The following RABGEF1 variants were observed in gnomAD, a reference collection of about 807,000 sequenced individuals.
RABGEF1 encodes RAB guanine nucleotide exchange factor 1.
Under a neutral mutation model 57.3 loss-of-function variants are expected in RABGEF1, and 26 were observed. The ratio of observed to expected loss-of-function variants is 0.45; its 90% CI spans 0.33 to 0.63. The LOEUF (loss-of-function observed/expected upper bound fraction) is 0.63. Ranked by LOEUF, RABGEF1 falls within the 20% of genes least tolerant of loss-of-function variation. The pLI is 0.02. For missense variants in RABGEF1, 464 were observed against 607.6 expected (o/e 0.76, Z 2.48); for synonymous variants, 185 against 210.7 (o/e 0.88, Z 1.06).
At chr7:66,688,253 C>A (rs1352812732) in intron 1 of RABGEF1, among the ~76,000 whole-genome samples, 1 of 152,102 alleles carries the variant, frequency 6.6e-6, no homozygotes, top group Non-Finnish European at 1.5e-5. Flanking sequence ...ATGCACCTAA[C>A]AACAGAGCAC....
At chr7:66,758,923 T>C (rs1459320646) in intron 1 of RABGEF1, among the ~76,000 whole-genome samples, 2 of 152,198 alleles carry the variant, frequency 1.3e-5, no homozygotes, top group African/African-American at 4.8e-5. Flanking sequence ...TGACTTCAAA[T>C]CCATAGGAAG....
chr7:66,754,256 C>T (rs1802180132), intron 1 of RABGEF1, among the ~76,000 whole-genome samples: 1 of 152,098 alleles, frequency 6.6e-6, no homozygotes, highest in Non-Finnish European at 1.5e-5. Flanking sequence ...CCCACCTTGG[C>T]CTCCCAAAGT....
At chr7:66,730,563 T>C (rs561627116) in intron 2 of RABGEF1, among the ~76,000 whole-genome samples, 79 of 150,312 alleles carry the variant, frequency 5.3e-4, no homozygotes, top group African/African-American at 1.8e-3. Flanking sequence ...TTTTCTTTTT[T>C]TTTTTTTTTT....
intron 3 of RABGEF1, among the ~76,000 whole-genome samples, chr7:66,775,683 G>A (rs757363571): frequency 6.6e-6 from 1 of 152,208 alleles, no homozygotes; most frequent in Non-Finnish European, 1.5e-5. Flanking sequence ...CTCTTTGGAT[G>A]TTTTGGTTTT....
At chr7:66,667,009 A>C in the RABGEF1 span, among the ~76,000 whole-genome samples, 116,758 of 152,152 alleles carry the variant, frequency 0.77, 44,988 homozygotes, top group African/African-American at 0.84. Flanking sequence ...GTGGGAAATC[A>C]TATGTCCACT....
intron 7 of RABGEF1, among the ~76,000 whole-genome samples, chr7:66,802,358 G>A (rs1787484947): frequency 6.6e-6 from 1 of 152,184 alleles, no homozygotes; most frequent in Non-Finnish European, 1.5e-5. Flanking sequence ...GCCATGACCT[G>A]GAGGTACAGC....
chr7:66,791,445 C>CT (rs1249078699), intron 4 of RABGEF1, among the ~76,000 whole-genome samples: 2 of 152,170 alleles, frequency 1.3e-5, no homozygotes, highest in African/African-American at 4.8e-5. Flanking sequence ...TCATATGGTT[C>CT]TTTTCCTTTA....
intron 2 of RABGEF1, among the ~76,000 whole-genome samples, chr7:66,732,926 C>T (rs754001281): frequency 6.6e-6 from 1 of 152,208 alleles, no homozygotes; most frequent in Non-Finnish European, 1.5e-5. Context: ...CCCTGCTTCT[C>T]TAAACTTCTC....
Position 66,742,556 on chromosome 7 carries a change from G to C in RABGEF1, c.-18+1764G>C, listed in dbSNP as rs180941879. Among the ~76,000 whole-genome samples the C allele has an allele frequency of 4.2e-3, 642 of 152,276 alleles. 3 individuals are homozygous for C. Among genetic ancestry groups the C allele is most frequent in the African/African-American group, 0.014 (577 of 41,540 alleles). On this transcript the variant is annotated intron_variant, in intron 1 of 8. Transcript: ENST00000284957. ...CATTCAGACTAACAGGGTGGAGTGA[G>C]GGAGAGGGGGGAATCAAAGGAGAGG...
At chr7:66,657,152 G>A in the RABGEF1 span, among the ~76,000 whole-genome samples, 1 of 152,124 alleles carries the variant, frequency 6.6e-6, no homozygotes, top group Non-Finnish European at 1.5e-5. Context: ...TAGATCTAAT[G>A]GTCATATGCA....
At chr7:66,665,134 C>A in the RABGEF1 span, 3 of 152,090 alleles carry the variant, frequency 2.0e-5, no homozygotes, top group African/African-American at 7.2e-5. Flanking sequence ...TGGGCAAGTC[C>A]TTGTTCTCAG....
chr7:66,732,033 C>G (rs1191869743), intron 2 of RABGEF1, among the ~76,000 whole-genome samples: 2 of 152,186 alleles, frequency 1.3e-5, no homozygotes, highest in African/African-American at 2.4e-5. Flanking sequence ...GCCAGTCAGC[C>G]GCCTGCGGGC....
At chr7:66,687,008 A>T (rs1790743608) in intron 1 of RABGEF1, among the ~76,000 whole-genome samples, 1 of 148,906 alleles carries the variant, frequency 6.7e-6, no homozygotes, top group African/African-American at 2.5e-5. Flanking sequence ...TTTTTAGTAG[A>T]GACGGGGTTT....
intron 3 of RABGEF1, among the ~76,000 whole-genome samples, chr7:66,777,853 A>G (rs1415599692): frequency 7.2e-5 from 11 of 152,224 alleles, no homozygotes; most frequent in Non-Finnish European, 1.6e-4. Flanking sequence ...ATATGTATGC[A>G]GAATGATTTT....
At chr7:66,708,348 C>T (rs2707826) in intron 1 of RABGEF1, among the ~76,000 whole-genome samples, 15,640 of 151,552 alleles carry the variant, frequency 0.1, 985 homozygotes, top group South Asian at 0.2. Context: ...AGTGCAGTGG[C>T]GCAATCTTGG....
chr7:66,659,099 G>C, the RABGEF1 span, among the ~76,000 whole-genome samples: 1 of 152,258 alleles, frequency 6.6e-6, no homozygotes, highest in African/African-American at 2.4e-5. Context: ...GCCAGACAAA[G>C]ACAGTACAAG....
chr7:66,696,901 C>G (rs895503168), intron 1 of RABGEF1, among the ~76,000 whole-genome samples: 2 of 151,998 alleles, frequency 1.3e-5, no homozygotes, highest in African/African-American at 4.8e-5. Flanking sequence ...TGCAGGTTCC[C>G]TTGGTGATGG....
chr7:66,789,606 C>T (rs1471028820), intron 4 of RABGEF1, among the ~76,000 whole-genome samples: 1 of 147,414 alleles, frequency 6.8e-6, no homozygotes, highest in African/African-American at 2.5e-5. Context: ...TGGCGTGAAC[C>T]CGGGAGGCGG....
chr7:66,735,360 T>C (rs1585028543), intron 2 of RABGEF1, among the ~76,000 whole-genome samples: 1 of 152,242 alleles, frequency 6.6e-6, no homozygotes, highest in Non-Finnish European at 1.5e-5. Context: ...TGGAAGACTT[T>C]ATAGCATAGT....
Sources: allele counts gnomAD v4.1 joint callset (sites outside exome capture counted in the v4.1 genomes callset), GRCh38; gene constraint gnomAD v4.1.1; transcripts MANE v1.5; gene names NCBI Gene and HGNC (gene_info 2026-07-23, HGNC 2026-07-21).